ABCA13: variants seen among roughly 807,000 people sequenced by gnomAD.
ABCA13 encodes the protein ATP-binding cassette sub-family A member 13.
A neutral mutation model predicts 478.7 loss-of-function variants in ABCA13; 476 were observed. The ratio of observed to expected loss-of-function variants is 0.99; its 90% CI spans 0.92 to 1.07. ABCA13 has a LOEUF of 1.07. Ranked by LOEUF, ABCA13 falls within the 50% of genes least tolerant of loss-of-function variation. The pLI, the probability that ABCA13 is intolerant of heterozygous loss-of-function variation, is 0.00. For synonymous variants in ABCA13, 2,252 were observed against 2,158.9 expected, an observed-to-expected ratio of 1.04 and a Z score of -1.20; for missense variants, 6,060 against 5,910.6, an observed-to-expected ratio of 1.03 and a Z score of -0.83.
chr7:48,413,590 G>T (rs980404234), intron 41 of ABCA13, among the ~76,000 whole-genome samples: 1 of 152,134 alleles, frequency 6.6e-6, no homozygotes, highest in Non-Finnish European at 1.5e-5. Context: ...ATCAAGTGCT[G>T]CAAGTTAAAA....
At chr7:48,456,366 G>A (rs780633805) in intron 43 of ABCA13, among the ~76,000 whole-genome samples, 12 of 152,186 alleles carry the variant, frequency 7.9e-5, no homozygotes, top group Non-Finnish European at 1.3e-4. Flanking sequence ...AAACTCTTCA[G>A]TTTGTTCCCT....
intron 55 of ABCA13, among the ~76,000 whole-genome samples, chr7:48,569,410 T>C (rs78548240): frequency 0.01 from 1,548 of 152,340 alleles, 32 homozygotes; most frequent in African/African-American, 0.035. Context: ...TTCTACACAT[T>C]TGGAATTTCC....
chr7:48,253,540 G>T (rs1792901391), intron 15 of ABCA13, among the ~76,000 whole-genome samples: 1 of 152,214 alleles, frequency 6.6e-6, no homozygotes, highest in Admixed American at 6.5e-5. Context: ...GATTTCTAGT[G>T]CAATGGTGCA....
At chr7:48,378,874 A>G (rs1347200086) in intron 35 of ABCA13, among the ~76,000 whole-genome samples, 1 of 152,238 alleles carries the variant, frequency 6.6e-6, no homozygotes, top group Non-Finnish European at 1.5e-5. Flanking sequence ...TCCCAGATAC[A>G]CTGGATCCTA....
chr7:48,218,317 C>G (rs1786803198), intron 3 of ABCA13, among the ~76,000 whole-genome samples: 1 of 152,096 alleles, frequency 6.6e-6, no homozygotes, highest in Non-Finnish European at 1.5e-5. Context: ...TAATATGAGG[C>G]CTCAGTAGAG....
intron 5 of ABCA13, among the ~76,000 whole-genome samples, chr7:48,226,896 A>T (rs765378900): frequency 5.3e-5 from 8 of 152,156 alleles, no homozygotes; most frequent in Non-Finnish European, 1.2e-4. Context: ...TATCATTTAC[A>T]TGTAAAGAAT....
chr7:48,461,859 A>G (rs1826278138), intron 43 of ABCA13, among the ~76,000 whole-genome samples: 1 of 152,180 alleles, frequency 6.6e-6, no homozygotes, highest in Non-Finnish European at 1.5e-5. Flanking sequence ...AATCCATTTC[A>G]GGCCTCCTGG....
chr7:48,550,506 C>G (rs928166737), intron 55 of ABCA13, among the ~76,000 whole-genome samples: 1 of 151,590 alleles, frequency 6.6e-6, no homozygotes, highest in Non-Finnish European at 1.5e-5. Flanking sequence ...GATCCGCCCC[C>G]CCTCAGCCTC....
At chr7:48,434,126 C>T (rs1822511344) in intron 42 of ABCA13, among the ~76,000 whole-genome samples, 2 of 151,936 alleles carry the variant, frequency 1.3e-5, no homozygotes, top group African/African-American at 4.8e-5. Context: ...TTTTACATTC[C>T]CACCAGCCTG....
chr7:48,532,411 A>C (rs1456481369), intron 55 of ABCA13, among the ~76,000 whole-genome samples: 1 of 152,116 alleles, frequency 6.6e-6, no homozygotes, highest in East Asian at 1.9e-4. Flanking sequence ...GTATTTTTAT[A>C]AGGATTTTTT....
chr7:48,474,860 G>C (rs904712792), intron 45 of ABCA13, among the ~76,000 whole-genome samples: 1 of 151,928 alleles, frequency 6.6e-6, no homozygotes, highest in African/African-American at 2.4e-5. Context: ...GATTAGAGTG[G>C]GTAAATATCA....
chr7:48,391,832 T>C, intron 37 of ABCA13, 89 bp from the exon 38 acceptor site: 2 of 1,261,306 alleles, frequency 1.6e-6, no homozygotes, highest in Non-Finnish European at 2.3e-6. Context: ...CTTGGCAGGA[T>C]GCATGCGCCA....
At chr7:48,559,611 A>G (rs965389332) in intron 55 of ABCA13, among the ~76,000 whole-genome samples, 5 of 152,122 alleles carry the variant, frequency 3.3e-5, no homozygotes, top group African/African-American at 1.2e-4. Context: ...AGATTATTTT[A>G]TCATAGCCAC....
rs1433446614 is a variant in ABCA13, at chr7:48,273,720, A to G, written c.4054A>G (p.Asn1352Asp). Residue 1352 changes from asparagine to aspartate, a missense_variant, in exon 17 of 62, where the codon AAT (asparagine) becomes GAT (aspartate). This residue lies in a region of ABCA13 where 4,423 missense variants were observed against 4,309.1 expected (regional missense o/e 1.03). Coordinates refer to ENST00000435803, the MANE Select transcript of ABCA13 (RefSeq NM_152701.5). ...GTTTTCCTGTGCTGATATTTTCCAAAATGTTACTGAGTGTATTTTAGAAGA... is the reference window on the plus strand; with the variant it reads ...GTTTTCCTGTGCTGATATTTTCCAAGATGTTACTGAGTGTATTTTAGAAGA... ...DLFSCADIFQ[N>D]VTECILEDGF... 1.2e-6 allele frequency: 2 copies of G among 1,609,136 alleles called. No homozygotes were observed.
At chr7:48,493,556 G>A (rs986938984) in intron 48 of ABCA13, among the ~76,000 whole-genome samples, 5 of 152,026 alleles carry the variant, frequency 3.3e-5, no homozygotes, top group Non-Finnish European at 5.9e-5. Context: ...TTGTGTTATT[G>A]GGGGTGGTTG....
At chr7:48,333,734 C>T (rs1805776911) in intron 27 of ABCA13, among the ~76,000 whole-genome samples, 1 of 152,298 alleles carries the variant, frequency 6.6e-6, no homozygotes, top group East Asian at 1.9e-4. Context: ...TTTCTCCAGT[C>T]CAGCTGCCTC....
At chr7:48,520,429 T>A in intron 53 of ABCA13, 135 bp downstream of exon 53, 1 of 1,058,402 alleles carries the variant, frequency 9.4e-7, no homozygotes, top group Non-Finnish European at 1.2e-6. Context: ...GCGTTAAGAT[T>A]TTATTATTTT....
chr7:48,265,185 T>C (rs1175702248), intron 15 of ABCA13, among the ~76,000 whole-genome samples: 1 of 151,752 alleles, frequency 6.6e-6, no homozygotes, highest in Admixed American at 6.6e-5. Context: ...TTGGTTATCA[T>C]AGCTTTACAG....
chr7:48,193,604 T>C (rs1484932072), intron 2 of ABCA13, among the ~76,000 whole-genome samples: 2 of 151,764 alleles, frequency 1.3e-5, no homozygotes, highest in African/African-American at 2.4e-5. Context: ...ATGATGATGA[T>C]GAAGATGATG....
Sources: allele counts gnomAD v4.1 joint callset (sites outside exome capture counted in the v4.1 genomes callset), GRCh38; gene constraint gnomAD v4.1.1; regional missense constraint gnomAD v4.1.1; transcripts MANE v1.5; gene names NCBI Gene and HGNC (gene_info 2026-07-23, HGNC 2026-07-21).